CDK8: variants seen among roughly 807,000 people sequenced by gnomAD.
The protein encoded by CDK8 is cyclin dependent kinase 8, also known as cyclin-dependent kinase 8.
In CDK8, 29 loss-of-function variants were observed where a neutral mutation model predicts 71.5. The ratio of observed to expected loss-of-function variants is 0.41; its 90% CI spans 0.30 to 0.55. The LOEUF (loss-of-function observed/expected upper bound fraction) is 0.55, where lower values mean the gene tolerates loss of function less well. CDK8 is among the 20% of genes least tolerant of loss of function. CDK8 has a pLI of 0.37. For missense variants in CDK8, 288 were observed against 572.6 expected, an observed-to-expected ratio of 0.50 and a Z score of 5.07; for synonymous variants, 161 against 192.1, an observed-to-expected ratio of 0.84 and a Z score of 1.34.
intron 1 of CDK8, among the ~76,000 whole-genome samples, chr13:26,326,262 C>A (rs1028813626): frequency 6.6e-6 from 1 of 152,176 alleles, no homozygotes; most frequent in Non-Finnish European, 1.5e-5. Context: ...GCTACAATCT[C>A]AACCATTGGT....
chr13:26,352,734 C>T (rs1014433141), intron 3 of CDK8, among the ~76,000 whole-genome samples: 14 of 152,126 alleles, frequency 9.2e-5, no homozygotes, highest in African/African-American at 2.2e-4. Context: ...TTTACCTTCT[C>T]GTAGATATTT....
intron 1 of CDK8, among the ~76,000 whole-genome samples, chr13:26,332,490 T>TAC (rs1872798064): frequency 2.0e-5 from 3 of 150,350 alleles, no homozygotes; most frequent in African/African-American, 7.3e-5. Context: ...ATATAATACA[T>TAC]ATATATATAT....
intron 3 of CDK8, among the ~76,000 whole-genome samples, chr13:26,349,766 A>C (rs1873609535): frequency 6.6e-6 from 1 of 151,264 alleles, no homozygotes. Flanking sequence ...TAAATATACA[A>C]ATGTAGGAAA....
chr13:26,352,009 A>G (rs1446420290), intron 3 of CDK8, among the ~76,000 whole-genome samples: 2 of 152,164 alleles, frequency 1.3e-5, no homozygotes, highest in African/African-American at 4.8e-5. Flanking sequence ...GTCACTTGTA[A>G]TACTCTAATG....
intron 2 of CDK8, among the ~76,000 whole-genome samples, chr13:26,342,257 T>C (rs1873274236): frequency 6.6e-6 from 1 of 152,220 alleles, no homozygotes; most frequent in African/African-American, 2.4e-5. Flanking sequence ...AGGCAAAAAG[T>C]AACTTCTACA....
At chr13:26,366,222 G>T (rs1016291376) in intron 4 of CDK8, among the ~76,000 whole-genome samples, 13 of 151,948 alleles carry the variant, frequency 8.6e-5, no homozygotes, top group Non-Finnish European at 1.8e-4. Context: ...CTCTTTACTG[G>T]ATACAAGCAA....
intron 1 of CDK8, among the ~76,000 whole-genome samples, chr13:26,324,572 A>C (rs1325994750): frequency 6.6e-6 from 1 of 152,194 alleles, no homozygotes; most frequent in Non-Finnish European, 1.5e-5. Flanking sequence ...GCCAAGTAGA[A>C]ATAAATTAGG....
chr13:26,322,309 C>T (rs1874812536), intron 1 of CDK8, among the ~76,000 whole-genome samples: 3 of 152,136 alleles, frequency 2.0e-5, no homozygotes. Context: ...AACATTGCTA[C>T]AAGACTTAAG....
chr13:26,296,131 A>C (rs1395140737), intron 1 of CDK8, among the ~76,000 whole-genome samples: 1 of 152,210 alleles, frequency 6.6e-6, no homozygotes, highest in Non-Finnish European at 1.5e-5. Context: ...AGAGCTCACA[A>C]AAACAAATGT....
intron 4 of CDK8, among the ~76,000 whole-genome samples, chr13:26,371,363 CT>C (rs1343051449): frequency 6.6e-6 from 1 of 152,146 alleles, no homozygotes; most frequent in Admixed American, 6.5e-5. Context: ...AATCACCTAA[CT>C]GTATTTCCTC....
In CDK8 at chr13:26,254,695, C is replaced by T. The variant is rs1327457314; in HGVS notation, c.54C>T (p.Asp18=). Residue 18 remains aspartate, a synonymous_variant, in exon 1 of 13, where the codon GAC becomes GAT. Coordinates refer to ENST00000381527, the MANE Select transcript of CDK8 (RefSeq NM_001260.3). This position sits in a 1 kb window ranked among gnomAD's most constrained non-coding sequence, Gnocchi z 6.7. ...GCAGCGAGCGGGAGCGGGTCGAGGA[C>T]CTGTTTGAATACGAGGGCTGCAAAG... ...KLSSERERVE[D]LFEYEGCKVG... is the part of the protein sequence containing the mutation. 8 of 1,612,784 alleles carry T rather than the reference C, an allele frequency of 5.0e-6. No individual in the cohort carries two copies. Among genetic ancestry groups the T allele is most frequent in the South Asian group, 4.4e-5 (4 of 90,750 alleles).
intron 6 of CDK8, among the ~76,000 whole-genome samples, chr13:26,387,303 T>C (rs1222681672): frequency 6.6e-6 from 1 of 152,214 alleles, no homozygotes; most frequent in Non-Finnish European, 1.5e-5. Flanking sequence ...CTCCCTTCCA[T>C]GTAGCAAGCA....
intron 1 of CDK8, among the ~76,000 whole-genome samples, chr13:26,298,160 T>C (rs906317180): frequency 6.6e-6 from 1 of 152,158 alleles, no homozygotes; most frequent in Non-Finnish European, 1.5e-5. Context: ...GATACAAATA[T>C]TTGGTCTGTA....
chr13:26,349,276 G>A, intron 3 of CDK8, 94 bp downstream of exon 3: 2 of 731,338 alleles, frequency 2.7e-6, no homozygotes, highest in South Asian at 1.7e-5. Flanking sequence ...TGAGACTTAT[G>A]TTTTTAAAAT....
intron 4 of CDK8, among the ~76,000 whole-genome samples, chr13:26,366,534 G>A (rs1874397760): frequency 6.6e-6 from 1 of 152,026 alleles, no homozygotes; most frequent in African/African-American, 2.4e-5. Context: ...TTTTAATAGT[G>A]ATCACTTTGT....
At chr13:26,337,482 GATTTATATTT>G in intron 1 of CDK8, 75 bp from the exon 2 acceptor site, 1 of 514,074 alleles carries the variant, frequency 1.9e-6, no homozygotes, top group African/African-American at 2.0e-5. Context: ...TATTAAACGT[GATTTATATTT>G]ATTTATATTT....
intron 2 of CDK8, among the ~76,000 whole-genome samples, chr13:26,345,840 G>T (rs1194990493): frequency 6.6e-6 from 1 of 152,088 alleles, no homozygotes; most frequent in Non-Finnish European, 1.5e-5. Context: ...TCATTTATTC[G>T]TGTGTTTACC....
rs1871774441 is a variant in CDK8 at position 26,261,586 on chromosome 13, T to C, written c.128+6817T>C. On this transcript the variant is annotated intron_variant, in intron 1 of 12. Coordinates refer to ENST00000381527, the MANE Select transcript of CDK8 (RefSeq NM_001260.3). ...ATGTGGCCTTTTGTGTTTGTGTTTC[T>C]TTATTTAATGTAATGTTTTCAAGGT... Among the ~76,000 whole-genome samples the C allele has an allele frequency of 2.6e-5, 4 of 152,248 alleles. No individual in the cohort carries two copies. In the South Asian group the frequency reaches 8.3e-4, roughly 31 times the overall value.
chr13:26,331,766 T>C (rs1434751090), intron 1 of CDK8, among the ~76,000 whole-genome samples: 2 of 152,224 alleles, frequency 1.3e-5, no homozygotes, highest in Non-Finnish European at 2.9e-5. Flanking sequence ...TATGTTCTTT[T>C]TGTTCAGGAT....
Sources: allele counts gnomAD v4.1 joint callset (sites outside exome capture counted in the v4.1 genomes callset), GRCh38; gene constraint gnomAD v4.1.1; non-coding constraint Gnocchi (gnomAD v3.1); transcripts MANE v1.5; gene names NCBI Gene and HGNC (gene_info 2026-07-23, HGNC 2026-07-21).